Variants in RYR3 observed in about 807,000 individuals in gnomAD.
RYR3 encodes brain ryanodine receptor-calcium release channel.
Under a neutral mutation model 584.3 loss-of-function variants are expected in RYR3, and 207 were observed. The ratio of observed to expected loss-of-function variants is 0.35; its 90% CI spans 0.32 to 0.40. The LOEUF (loss-of-function observed/expected upper bound fraction) is 0.40. RYR3 is among the 10% of genes least tolerant of loss of function. The probability of loss-of-function intolerance (pLI) is 1.00; values close to 1 mark genes in which losing one functional copy is unlikely to be tolerated. For synonymous variants in RYR3, 2,416 were observed against 2,248.5 expected (o/e 1.07, Z -2.11); for missense variants, 5,616 against 6,089.2 (o/e 0.92, Z 2.59).
chr15:33,479,587 G>C (rs2049773414), intron 2 of RYR3, among the ~76,000 whole-genome samples: 2 of 151,000 alleles, frequency 1.3e-5, no homozygotes, highest in Admixed American at 1.3e-4. Context: ...ACTCTATAAA[G>C]CAAACATTGT....
intron 67 of RYR3, among the ~76,000 whole-genome samples, chr15:33,789,668 T>A (rs1333942824): frequency 6.2e-3 from 151 of 24,478 alleles, no homozygotes; most frequent in East Asian, 0.029. Flanking sequence ...ATTTTTTTTT[T>A]TTTTTTTTTT....
chr15:33,783,538 C>T (rs148667234), intron 65 of RYR3, among the ~76,000 whole-genome samples: 16 of 152,338 alleles, frequency 1.1e-4, no homozygotes, highest in African/African-American at 3.1e-4. Flanking sequence ...GCAGCAACCT[C>T]AAGCAACTCT....
At chr15:33,840,714 C>T in intron 89 of RYR3, 111 bp from the exon 90 acceptor site, 1 of 890,120 alleles carries the variant, frequency 1.1e-6, no homozygotes, top group Non-Finnish European at 1.8e-6. Flanking sequence ...GAAGCAGAAA[C>T]ATGAAAAGCC....
intron 10 of RYR3, among the ~76,000 whole-genome samples, chr15:33,554,847 C>T (rs2056961441): frequency 2.0e-5 from 3 of 152,146 alleles, no homozygotes; most frequent in Admixed American, 1.3e-4. Flanking sequence ...GATGTCATGA[C>T]TCAATGTCAG....
chr15:33,818,664 C>T lies in RYR3; in HGVS notation c.10686C>T (p.Arg3562=). Residue 3562 remains arginine (R), a synonymous_variant, in exon 76 of 104, where the codon CGC becomes CGT. Transcript: ENST00000634891. The stretch of plus-strand genomic sequence containing the variant: ...ATCAGATCATTCTCTATTTTAGCCG[C>T]AACGCTCTCACGGAGAGGAGGTCAG... The part of the protein sequence containing the change: ...PLHQIILYFS[R]NALTERSKLE... The T allele has an allele frequency of 3.7e-6, 6 of 1,613,740 alleles. No homozygotes were observed. Among genetic ancestry groups the T allele is most frequent in the Non-Finnish European group, 5.1e-6 (6 of 1,179,778 alleles).
chr15:33,671,624 G>A (rs1469876916), intron 38 of RYR3, among the ~76,000 whole-genome samples: 6 of 152,090 alleles, frequency 3.9e-5, no homozygotes, highest in Non-Finnish European at 7.4e-5. Context: ...ACTCTGGAAA[G>A]GGCGGGTCTT....
At chr15:33,723,947 G>T in intron 44 of RYR3, 118 bp from the exon 45 acceptor site, 1 of 619,038 alleles carries the variant, frequency 1.6e-6, no homozygotes, top group Admixed American at 3.0e-5. Context: ...AGGTTCCAAG[G>T]GAAAGGATGT....
At chr15:33,765,471 A>C (rs1024008313) in intron 60 of RYR3, among the ~76,000 whole-genome samples, 2 of 151,962 alleles carry the variant, frequency 1.3e-5, no homozygotes, top group African/African-American at 2.4e-5. Context: ...CGTCTCTACT[A>C]AAAATACAAA....
chr15:33,488,507 G>A (rs2050677325), intron 2 of RYR3, among the ~76,000 whole-genome samples: 1 of 148,140 alleles, frequency 6.8e-6, no homozygotes, highest in Admixed American at 6.8e-5. Context: ...GTTTTTACAT[G>A]GAAGAAGAAA....
At chr15:33,831,170 C>T (rs2152971164) in intron 86 of RYR3, 79 bp downstream of exon 86, 5 of 1,392,370 alleles carry the variant, frequency 3.6e-6, no homozygotes, top group Non-Finnish European at 3.9e-6. Context: ...CTACAGAATA[C>T]TTGATTGTAC....
At chr15:33,494,720 A>G (rs1567367147) in intron 2 of RYR3, among the ~76,000 whole-genome samples, 2 of 152,194 alleles carry the variant, frequency 1.3e-5, no homozygotes, top group African/African-American at 4.8e-5. Flanking sequence ...GTGTACATAT[A>G]ATTGCTTTTG....
At chr15:33,692,114 A>C in intron 38 of RYR3, among the ~76,000 whole-genome samples, 1 of 152,206 alleles carries the variant, frequency 6.6e-6, no homozygotes, top group Non-Finnish European at 1.5e-5. Flanking sequence ...TGCATTAATT[A>C]CTTTAATCAT....
intron 13 of RYR3, 134 bp from the exon 14 acceptor site, chr15:33,581,374 T>A: frequency 1.1e-6 from 1 of 870,238 alleles, no homozygotes; most frequent in Middle Eastern, 2.4e-4. Flanking sequence ...CAAACCCAAC[T>A]GGCACCATGA....
chr15:33,545,705 C>A (rs1370559620), intron 8 of RYR3, among the ~76,000 whole-genome samples: 6 of 152,076 alleles, frequency 3.9e-5, no homozygotes, highest in East Asian at 1.9e-4. Context: ...GTCAGGTAAA[C>A]CCTCAGAAAT....
At chr15:33,484,056 A>G (rs2050198504) in intron 2 of RYR3, among the ~76,000 whole-genome samples, 1 of 152,148 alleles carries the variant, frequency 6.6e-6, no homozygotes, top group South Asian at 2.1e-4. Context: ...TTTATCCAGA[A>G]TGTATCATTG....
At chr15:33,636,672 C>A in intron 27 of RYR3, 122 bp downstream of exon 27, 1 of 872,862 alleles carries the variant, frequency 1.1e-6, no homozygotes. Context: ...TTTGAAAACC[C>A]TAATGGTGAA....
intron 38 of RYR3, among the ~76,000 whole-genome samples, chr15:33,673,536 C>T (rs74005946): frequency 0.028 from 4,311 of 151,970 alleles, 227 homozygotes; most frequent in African/African-American, 0.098. Flanking sequence ...ACTTTTTTTT[C>T]GTATCTCCAT....
chr15:33,572,662 C>T (rs1241716072), intron 12 of RYR3, among the ~76,000 whole-genome samples: 1 of 119,556 alleles, frequency 8.4e-6, no homozygotes, highest in African/African-American at 3.0e-5. Flanking sequence ...TATATATACA[C>T]ACACACACAC....
At chr15:33,410,139 G>A (rs1454139554) in intron 1 of RYR3, among the ~76,000 whole-genome samples, 2 of 152,186 alleles carry the variant, frequency 1.3e-5, no homozygotes, top group Non-Finnish European at 2.9e-5. Context: ...ATGATAGTGG[G>A]AAGAACAGTA....
Sources: gnomAD v4.1 joint callset for allele counts (sites outside exome capture counted in the v4.1 genomes callset) on GRCh38, gnomAD v4.1.1 for gene constraint, MANE v1.5 for transcripts, NCBI Gene and HGNC (gene_info 2026-07-23, HGNC 2026-07-21) for gene names.